The following SWT1 variants were observed in gnomAD, a reference collection of about 807,000 sequenced individuals.
SWT1 encodes SWT1 RNA endoribonuclease homolog.
A neutral mutation model predicts 107.3 loss-of-function variants in SWT1; 33 were observed. The observed-to-expected ratio is 0.31, with a 90% CI of 0.23 to 0.41. The LOEUF (loss-of-function observed/expected upper bound fraction) is 0.41, where lower values mean the gene tolerates loss of function less well. Ranked by LOEUF, SWT1 falls within the 10% of genes least tolerant of loss-of-function variation. SWT1 has a pLI of 1.00. For synonymous variants in SWT1, 345 were observed against 348.3 expected, an observed-to-expected ratio of 0.99 and a Z score of 0.11; for missense variants, 898 against 1,028.9, an observed-to-expected ratio of 0.87 and a Z score of 1.74.
Position 185,253,990 on chromosome 1 carries a change from G to T in SWT1, c.2442-17333G>T, listed in dbSNP as rs1284270011. 1.0e-4 allele frequency among the ~76,000 whole-genome samples: 15 copies of T among 144,610 alleles called. 1 individual carries two copies. Among genetic ancestry groups the T allele is most frequent in the Non-Finnish European group, 1.5e-4 (10 of 66,770 alleles). The allele number at this position is 144,610 out of a possible 152,430, so 94.9% of individuals were successfully genotyped here. ...TTTATTGAGAGTTTTTAGCATGAAG[G>T]GTTGTTGAATTTTGTCAAAGGCTTT... On this transcript the variant is annotated intron_variant, in intron 16 of 18. Coordinates refer to ENST00000367500, the MANE Select transcript of SWT1 (RefSeq NM_017673.7).
At chr1:185,208,668 A>G (rs999013679) in intron 13 of SWT1, among the ~76,000 whole-genome samples, 4 of 152,100 alleles carry the variant, frequency 2.6e-5, no homozygotes. Flanking sequence ...CGATAAATAA[A>G]TATTTCCCCT....
intron 15 of SWT1, among the ~76,000 whole-genome samples, chr1:185,227,934 AT>A (rs1427596246): frequency 6.7e-6 from 1 of 150,270 alleles, no homozygotes; most frequent in Non-Finnish European, 1.5e-5. Flanking sequence ...TACAAAAAAA[AT>A]TAAAAATTAG....
At position 185,202,750 on chromosome 1, in the gene SWT1, C is replaced by A; in HGVS notation, c.1620C>A (p.Asn540Lys). ...CAGAGTTATTACACTTATCTCTGAA[C>A]ACAGATGTGTGTCATCAGCCTTGTA... The part of the protein sequence containing the change: ...LSAELLHLSL[N>K]TDVCHQPCIP... The change falls in exon 11 of 19, where the codon AAC becomes AAA. Residue 540 changes from asparagine to lysine, a missense_variant. Transcript: ENST00000367500. 1 of 1,594,748 alleles carries A rather than the reference C, an allele frequency of 6.3e-7. No individual in the cohort carries two copies. Among genetic ancestry groups the A allele is most frequent in the Non-Finnish European group, 8.5e-7 (1 of 1,169,904 alleles).
intron 16 of SWT1, among the ~76,000 whole-genome samples, chr1:185,235,835 G>A (rs1308905075): frequency 6.6e-6 from 1 of 152,164 alleles, no homozygotes; most frequent in African/African-American, 2.4e-5. Context: ...TCCTTAAGCT[G>A]ATAAGCAACT....
intron 15 of SWT1, among the ~76,000 whole-genome samples, chr1:185,229,126 C>T (rs1660311988): frequency 6.6e-6 from 1 of 152,090 alleles, no homozygotes; most frequent in African/African-American, 2.4e-5. Flanking sequence ...TTGTTGAGAG[C>T]AGGCTGTGAA....
At chr1:185,160,517 A>G (rs1654046192) in intron 1 of SWT1, among the ~76,000 whole-genome samples, 1 of 152,098 alleles carries the variant, frequency 6.6e-6, no homozygotes, top group African/African-American at 2.4e-5. Context: ...CCTGACCAAC[A>G]TGGTGAAACC....
intron 13 of SWT1, among the ~76,000 whole-genome samples, chr1:185,211,866 C>T (rs950716454): frequency 6.6e-6 from 1 of 152,140 alleles, no homozygotes; most frequent in Non-Finnish European, 1.5e-5. Context: ...CCATGGAATA[C>T]TATGCAGCCA....
rs545924510 is a variant in SWT1 at position 185,251,003 on chromosome 1, T to C, written c.2441+19295T>C. Among the ~76,000 whole-genome samples, 9 of 152,332 alleles carry C rather than the reference T, an allele frequency of 5.9e-5. No individual in the cohort carries two copies. In the South Asian group the frequency reaches 1.9e-3, roughly 32 times the overall value. ...TTGTTTGACATGGTTGATACACTTA[T>C]ATAGGCTATCTCTAGTAAATCTAAA... On this transcript the variant is annotated intron_variant, in intron 16 of 18. Transcript: ENST00000367500.
At chr1:185,207,129 T>TA (rs1489357736) in intron 13 of SWT1, among the ~76,000 whole-genome samples, 5 of 152,248 alleles carry the variant, frequency 3.3e-5, no homozygotes, top group African/African-American at 1.2e-4. Flanking sequence ...TTTCGTTTCT[T>TA]ACAGTGTTTA....
intron 18 of SWT1, among the ~76,000 whole-genome samples, chr1:185,290,111 G>C (rs1220571797): frequency 1.3e-5 from 2 of 151,216 alleles, no homozygotes; most frequent in African/African-American, 4.9e-5. Context: ...AAAAAAAAAA[G>C]CAAAACAAAA....
chr1:185,221,366 G>C (rs1659645050), intron 14 of SWT1, among the ~76,000 whole-genome samples: 1 of 152,030 alleles, frequency 6.6e-6, no homozygotes, highest in Non-Finnish European at 1.5e-5. Context: ...GTGCACTTCT[G>C]AGTATATCAC....
At chr1:185,206,182 C>T (rs1431883128) in intron 12 of SWT1, among the ~76,000 whole-genome samples, 1 of 152,148 alleles carries the variant, frequency 6.6e-6, no homozygotes. Flanking sequence ...TGGTCTCGAA[C>T]TCCTGACCTT....
At chr1:185,267,682 A>T (rs1355573377) in intron 16 of SWT1, among the ~76,000 whole-genome samples, 1 of 152,204 alleles carries the variant, frequency 6.6e-6, no homozygotes, top group Non-Finnish European at 1.5e-5. Flanking sequence ...AATTGTTATG[A>T]ATTTCTTTTT....
At chr1:185,250,721 G>C (rs375621379) in intron 16 of SWT1, among the ~76,000 whole-genome samples, 174 of 152,102 alleles carry the variant, frequency 1.1e-3, no homozygotes, top group African/African-American at 4.0e-3. Flanking sequence ...GGAGTGCAGT[G>C]GTGCAATCTT....
intron 1 of SWT1, chr1:185,157,676 TTTCC>T (rs1653737082): frequency 6.6e-6 from 1 of 152,502 alleles, no homozygotes. Context: ...CGAACACTCT[TTTCC>T]TTTGTTTTTA....
At chr1:185,191,338 G>T (rs373109097) in intron 10 of SWT1, among the ~76,000 whole-genome samples, 1 of 151,930 alleles carries the variant, frequency 6.6e-6, no homozygotes, top group East Asian at 1.9e-4. Context: ...TATTCATCAT[G>T]TATGAGAAAA....
intron 15 of SWT1, among the ~76,000 whole-genome samples, chr1:185,223,250 C>T (rs1009010265): frequency 6.6e-5 from 10 of 152,078 alleles, no homozygotes; most frequent in Admixed American, 1.3e-4. Flanking sequence ...GGCAGGGTCT[C>T]GCTCTGTCAC....
intron 12 of SWT1, 59 bp downstream of exon 12, chr1:185,204,922 C>A: frequency 9.9e-7 from 1 of 1,005,234 alleles, no homozygotes; most frequent in Non-Finnish European, 1.4e-6. Flanking sequence ...GATTTGTTAT[C>A]TTAAGAAATA....
chr1:185,210,295 T>C (rs547242286), intron 13 of SWT1, among the ~76,000 whole-genome samples: 2 of 152,298 alleles, frequency 1.3e-5, no homozygotes, highest in South Asian at 4.1e-4. Flanking sequence ...AAGTCTTTGC[T>C]CATGCCTATG....
Sources: allele counts gnomAD v4.1 joint callset (sites outside exome capture counted in the v4.1 genomes callset), GRCh38; gene constraint gnomAD v4.1.1; transcripts MANE v1.5; gene names NCBI Gene and HGNC (gene_info 2026-07-23, HGNC 2026-07-21).